NR3C2: variants seen among roughly 807,000 people sequenced by gnomAD.
NR3C2 encodes nuclear receptor subfamily 3 group C member 2, also known as mineralocorticoid receptor.
In NR3C2, 15 loss-of-function variants were observed where a neutral mutation model predicts 86.4. The observed-to-expected ratio is 0.17, with a 90% CI of 0.12 to 0.27. NR3C2 has a LOEUF of 0.27. Ranked by LOEUF, NR3C2 falls within the 10% of genes least tolerant of loss-of-function variation. The pLI is 1.00. For missense variants in NR3C2, 960 were observed against 1,195.6 expected (o/e 0.80, Z 2.91); for synonymous variants, 458 against 450.5 (o/e 1.02, Z -0.21).
Position 148,229,416 on chromosome 4 carries a change from A to G in NR3C2, c.1897+30562T>C, listed in dbSNP as rs149541652. On this transcript the variant is annotated intron_variant, in intron 3 of 8. Coordinates refer to ENST00000358102, the MANE Select transcript of NR3C2 (RefSeq NM_000901.5). ...TCCTCATGTCTATTTTTTCCTGGTCATGAGATCAGAACCTGGATTTTAGCT... is the reference window on the plus strand; with the variant it reads ...TCCTCATGTCTATTTTTTCCTGGTCGTGAGATCAGAACCTGGATTTTAGCT... Among the ~76,000 whole-genome samples the G allele has an allele frequency of 8.1e-3, 1,237 of 152,260 alleles. 7 individuals carry two copies. The highest frequency in any genetic ancestry group is 0.02 in the Middle Eastern group (6 of 294).
intron 2 of NR3C2, among the ~76,000 whole-genome samples, chr4:148,322,879 C>T (rs1379793405): frequency 8.0e-6 from 1 of 125,694 alleles, no homozygotes; most frequent in Non-Finnish European, 1.7e-5. Flanking sequence ...TCTCTGAGCT[C>T]GTCAAAGTCA....
intron 2 of NR3C2, among the ~76,000 whole-genome samples, chr4:148,307,582 C>T (rs1742693361): frequency 1.3e-5 from 2 of 152,050 alleles, no homozygotes; most frequent in Admixed American, 1.3e-4. Context: ...TACACAAAGC[C>T]AAACATGCCC....
intron 6 of NR3C2, among the ~76,000 whole-genome samples, chr4:148,125,203 CTTT>C (rs916903287): frequency 6.6e-6 from 1 of 152,196 alleles, no homozygotes; most frequent in African/African-American, 2.4e-5. Context: ...AGCTTAAACA[CTTT>C]TTGCAAGACT....
At position 148,435,859 on chromosome 4, in the gene NR3C2, A is replaced by C. The variant is rs758767754; in HGVS notation, c.1002T>G (p.Cys334Trp). 6.2e-7 allele frequency: 1 copy of C among 1,614,216 alleles called. No homozygotes were observed. Among genetic ancestry groups the C allele is most frequent in the Non-Finnish European group, 8.5e-7 (1 of 1,180,026 alleles). ...AGCTGAAGGCATTGTTTACAGGGCT[A>C]CAGATAGATCCCACAGTACTGGCTG... ...SPAASTVGSICSPVNNAFSYT... is the reference protein window; with the variant it reads ...SPAASTVGSIWSPVNNAFSYT... Residue 334 changes from cysteine to tryptophan, a missense_variant, in exon 2 of 9, where the codon TGT (cysteine) becomes TGG (tryptophan). Around this residue, in one of 4 missense-constraint regions of NR3C2, gnomAD observed 680 missense variants for 719.0 expected, o/e 0.95. Coordinates refer to ENST00000358102, the MANE Select transcript of NR3C2 (RefSeq NM_000901.5).
rs1730537936 is a variant in NR3C2 at position 148,081,220 on chromosome 4, C to G, written c.*124G>C. The G allele has an allele frequency of 3.7e-6, 5 of 1,365,038 alleles. No individual in the cohort carries two copies. Among genetic ancestry groups the G allele is most frequent in the Non-Finnish European group, 5.1e-6 (5 of 971,288 alleles). 84.6% of individuals were successfully genotyped at this position (1,365,038 alleles called of 1,614,324 possible). A position where few individuals can be genotyped will look rare whatever the true frequency, so the allele number is the denominator to read the frequency against. ...TCCAAACCTCTGACATGACTTTAAA[C>G]TTGAGAAACTGTTGAACAAGTGTGA... is the stretch of plus-strand genomic sequence containing the variant. On this transcript the variant is annotated 3_prime_UTR_variant, in exon 9 of 9. Coordinates refer to ENST00000358102, the MANE Select transcript of NR3C2 (RefSeq NM_000901.5).
At chr4:148,319,938 G>T (rs1301753399) in intron 2 of NR3C2, among the ~76,000 whole-genome samples, 2 of 144,136 alleles carry the variant, frequency 1.4e-5, no homozygotes, top group Non-Finnish European at 3.0e-5. Context: ...GTGAGAGAGG[G>T]CATCCCTGTC....
chr4:148,112,897 T>G (rs1179574726), intron 8 of NR3C2, among the ~76,000 whole-genome samples: 1 of 152,172 alleles, frequency 6.6e-6, no homozygotes, highest in Non-Finnish European at 1.5e-5. Flanking sequence ...ACATTTTCCT[T>G]AATAGAAAAA....
intron 2 of NR3C2, among the ~76,000 whole-genome samples, chr4:148,406,909 T>G (rs575424865): frequency 1.5e-4 from 23 of 152,300 alleles, no homozygotes; most frequent in Non-Finnish European, 2.4e-4. Context: ...AGATGTGAAT[T>G]TAAGCTGCGT....
At chr4:148,398,643 G>C (rs1443840657) in intron 2 of NR3C2, among the ~76,000 whole-genome samples, 2 of 152,140 alleles carry the variant, frequency 1.3e-5, no homozygotes, top group Non-Finnish European at 2.9e-5. Context: ...AGGTGCTGGG[G>C]ACAGAGTTCA....
intron 4 of NR3C2, among the ~76,000 whole-genome samples, chr4:148,174,372 TA>T (rs891210047): frequency 2.1e-4 from 32 of 152,272 alleles, no homozygotes; most frequent in African/African-American, 7.5e-4. Context: ...AGGTATTATC[TA>T]AAAAAGTTCA....
At chr4:148,355,686 C>G (rs1205532588) in intron 2 of NR3C2, among the ~76,000 whole-genome samples, 1 of 152,172 alleles carries the variant, frequency 6.6e-6, no homozygotes. Flanking sequence ...TAGCAAACAA[C>G]AAATGTCACC....
intron 3 of NR3C2, among the ~76,000 whole-genome samples, chr4:148,217,781 TC>T (rs1296221102): frequency 3.9e-5 from 6 of 152,210 alleles, no homozygotes; most frequent in Admixed American, 3.3e-4. Context: ...TTGCTGTAAA[TC>T]AAGTACTCAA....
chr4:148,388,005 A>G (rs536502627), intron 2 of NR3C2, among the ~76,000 whole-genome samples: 1 of 152,328 alleles, frequency 6.6e-6, no homozygotes, highest in African/African-American at 2.4e-5. Context: ...TGCATTTCTA[A>G]TAAGTCAGTT....
chr4:148,187,982 C>T (rs180688755), intron 4 of NR3C2, among the ~76,000 whole-genome samples: 1 of 152,206 alleles, frequency 6.6e-6, no homozygotes, highest in African/African-American at 2.4e-5. Flanking sequence ...TGTCCTTTCC[C>T]TATCTTATGT....
chr4:148,215,057 C>G (rs992277044), intron 3 of NR3C2, among the ~76,000 whole-genome samples: 6 of 152,138 alleles, frequency 3.9e-5, no homozygotes, highest in Admixed American at 6.5e-5. Flanking sequence ...AGGATTCTAG[C>G]CTTCTATTTC....
At chr4:148,252,527 A>T (rs1444309977) in intron 3 of NR3C2, among the ~76,000 whole-genome samples, 2 of 152,218 alleles carry the variant, frequency 1.3e-5, no homozygotes, top group South Asian at 4.1e-4. Context: ...ATTAGTACCA[A>T]TGGGAGAGTT....
chr4:148,337,689 A>G (rs1237581126), intron 2 of NR3C2, among the ~76,000 whole-genome samples: 1 of 152,196 alleles, frequency 6.6e-6, no homozygotes, highest in East Asian at 1.9e-4. Flanking sequence ...ACTGAAAGGA[A>G]TATTAATCTT....
chr4:148,147,842 G>A (rs1322803750), intron 6 of NR3C2, among the ~76,000 whole-genome samples: 1 of 152,192 alleles, frequency 6.6e-6, no homozygotes, highest in Non-Finnish European at 1.5e-5. Flanking sequence ...GGCATTGGCA[G>A]GCAATGTGTG....
chr4:148,154,706 G>C lies in NR3C2; in HGVS notation c.2210C>G (p.Ser737Cys). ...LSTISRALTP[S>C]PVMVLENIEP... ...AATGTTTTCAAGGACCATAACGGGG[G>C]AAGGTGTGAGCGCTCGTGAGATTGT... Residue 737 changes from serine (S) to cysteine (C), a missense_variant, in exon 5 of 9, where the codon TCC becomes TGC. Ser to Cys is a moderately radical substitution (Grantham distance 112, BLOSUM62 -1). Coordinates refer to ENST00000358102, the MANE Select transcript of NR3C2 (RefSeq NM_000901.5). 4 of 1,613,838 alleles carry C rather than the reference G, an allele frequency of 2.5e-6. No homozygotes were observed. Among genetic ancestry groups the C allele is most frequent in the Non-Finnish European group, 3.4e-6 (4 of 1,179,982 alleles).
Sources: allele counts gnomAD v4.1 joint callset (sites outside exome capture counted in the v4.1 genomes callset), GRCh38; gene constraint gnomAD v4.1.1; regional missense constraint gnomAD v4.1.1; transcripts MANE v1.5; gene names NCBI Gene and HGNC (gene_info 2026-07-23, HGNC 2026-07-21).